The following PPIP5K2 variants were observed in gnomAD, a reference collection of about 807,000 sequenced individuals.
PPIP5K2 encodes the protein diphosphoinositol pentakisphosphate kinase 2, also known as inositol hexakisphosphate and diphosphoinositol-pentakisphosphate kinase 2.
PPIP5K2 carries 105 observed loss-of-function variants against 154.6 expected under a neutral mutation model. The ratio of observed to expected loss-of-function variants is 0.68; its 90% CI spans 0.58 to 0.80. The LOEUF (loss-of-function observed/expected upper bound fraction) is 0.80, where lower values mean the gene tolerates loss of function less well. Among genes scored for constraint, PPIP5K2 ranks in the 30% least tolerant of loss-of-function variants. The pLI, the probability that PPIP5K2 is intolerant of heterozygous loss-of-function variation, is 0.00. For synonymous variants in PPIP5K2, 480 were observed against 490.3 expected (o/e 0.98, Z 0.28); for missense variants, 992 against 1,504.6 (o/e 0.66, Z 5.64).
At position 103,173,596 on chromosome 5, in the gene PPIP5K2, A is replaced by T. The variant is rs982806422; in HGVS notation, c.2415-262A>T. ...ACCTCTGTCATTGCTACTAAAGGAG[A>T]TAAAATAACCTATTTACAGTGTACT... On this transcript the variant is annotated intron_variant, in intron 20 of 30. Transcript: ENST00000358359. Among the ~76,000 whole-genome samples, 32 of 151,978 alleles carry T rather than the reference A, an allele frequency of 2.1e-4. 1 individual carries two copies. The highest frequency in any genetic ancestry group is 1.9e-3 in the Admixed American group (29 of 15,214).
intron 17 of PPIP5K2, among the ~76,000 whole-genome samples, chr5:103,160,831 G>A (rs997172462): frequency 3.0e-4 from 45 of 152,036 alleles, no homozygotes; most frequent in African/African-American, 1.0e-3. Flanking sequence ...TATGGCACCT[G>A]TGCAATGAGC....
intron 1 of PPIP5K2, among the ~76,000 whole-genome samples, chr5:103,123,199 G>C (rs34787): frequency 0.24 from 37,234 of 152,180 alleles, 5,207 homozygotes; most frequent in East Asian, 0.45. Context: ...GCTATTTGCT[G>C]TGGCATCTGT....
At chr5:103,170,763 A>G (rs574238882) in intron 19 of PPIP5K2, among the ~76,000 whole-genome samples, 5 of 151,472 alleles carry the variant, frequency 3.3e-5, no homozygotes, top group African/African-American at 1.2e-4. Flanking sequence ...GGTATTTTCA[A>G]TCACCAAAAA....
chr5:103,128,273 A>T (rs1259963557), intron 1 of PPIP5K2, among the ~76,000 whole-genome samples: 1 of 152,190 alleles, frequency 6.6e-6, no homozygotes, highest in African/African-American at 2.4e-5. Context: ...CAAATGAAGC[A>T]TTTGTTATGT....
rs377739666 is a variant in PPIP5K2, at chr5:103,150,843, CTTTT to C, written c.907-389_907-386del. On this transcript the variant is annotated intron_variant, in intron 8 of 30. Coordinates refer to ENST00000358359, the MANE Select transcript of PPIP5K2 (RefSeq NM_001276277.3). ...AAAACTATTCTCCACGTCCATCCTC[CTTTT>C]TTTTTTTTTTTTTTTTTTTTATTAA... Among the ~76,000 whole-genome samples the C allele has an allele frequency of 1.6e-4, 11 of 68,100 alleles. No homozygotes were observed. In the South Asian group the frequency reaches 2.8e-3, roughly 17 times the overall value. 44.7% of individuals were successfully genotyped at this position (68,100 alleles called of 152,430 possible). A position where few individuals can be genotyped will look rare whatever the true frequency, so the allele number is the denominator to read the frequency against.
Position 103,151,538 on chromosome 5 carries a change from G to T in PPIP5K2, c.1028+164G>T, listed in dbSNP as rs1392954610. ...TATGCCAGATCCTGAATTATACTTTGGCTTATCAAAGACAGATTAATTTAT... is the reference window on the plus strand; with the variant it reads ...TATGCCAGATCCTGAATTATACTTTTGCTTATCAAAGACAGATTAATTTAT... On this transcript the variant is annotated intron_variant, in intron 9 of 30. Coordinates refer to ENST00000358359, the MANE Select transcript of PPIP5K2 (RefSeq NM_001276277.3). 2.6e-5 allele frequency among the ~76,000 whole-genome samples: 4 copies of T among 151,128 alleles called. No individual in the cohort carries two copies. The East Asian group carries it at 7.7e-4, about 29-fold the overall frequency.
At chr5:103,192,241 A>T (rs1401395100) in intron 29 of PPIP5K2, among the ~76,000 whole-genome samples, 1 of 152,112 alleles carries the variant, frequency 6.6e-6, no homozygotes, top group Non-Finnish European at 1.5e-5. Context: ...AAAAATTTGC[A>T]TATAAATGTG....
intron 10 of PPIP5K2, among the ~76,000 whole-genome samples, chr5:103,152,968 TA>T (rs1554211827): frequency 1.3e-5 from 2 of 151,878 alleles, no homozygotes; most frequent in Non-Finnish European, 3.0e-5. Flanking sequence ...TAGAATTGTT[TA>T]ATCAAGCCAT....
At chr5:103,184,147 T>G (rs1247354698) in intron 25 of PPIP5K2, 1 of 152,316 alleles carries the variant, frequency 6.6e-6, no homozygotes, top group Non-Finnish European at 1.5e-5. Flanking sequence ...ACACATGAGG[T>G]TTCTGATAAT....
chr5:103,211,352 A>G lies in PPIP5K2; in HGVS notation c.*9718A>G, dbSNP rs552996575. On this transcript the variant is annotated 3_prime_UTR_variant, in exon 31 of 31. Transcript: ENST00000358359. ...CAAAAAAAATTGTCCCTAGAAAACT[A>G]GAGTGATCATAGGGATCAGATGACA... 1 of 152,238 alleles carries G rather than the reference A, an allele frequency of 6.6e-6. No individual in the cohort carries two copies. Among genetic ancestry groups the G allele is most frequent in the Non-Finnish European group, 1.5e-5 (1 of 67,958 alleles). 9.4% of individuals were successfully genotyped at this position (152,238 alleles called of 1,614,324 possible).
intron 5 of PPIP5K2, among the ~76,000 whole-genome samples, chr5:103,143,916 A>C (rs535702820): frequency 8.1e-4 from 123 of 152,312 alleles, no homozygotes; most frequent in African/African-American, 2.8e-3. Flanking sequence ...ATTCAACATA[A>C]TACTGGAAAT....
intron 13 of PPIP5K2, 37 bp downstream of exon 13, chr5:103,154,980 C>A: frequency 8.3e-7 from 1 of 1,203,110 alleles, no homozygotes; most frequent in Non-Finnish European, 1.2e-6. Flanking sequence ...TGTGGTACTA[C>A]ATATAGCTCT....
intron 14 of PPIP5K2, among the ~76,000 whole-genome samples, chr5:103,157,199 C>CT (rs199637997): frequency 2.7e-5 from 4 of 150,892 alleles, no homozygotes; most frequent in East Asian, 1.9e-4. Flanking sequence ...TTTTGAATTA[C>CT]TTTTTTTTTC....
intron 26 of PPIP5K2, among the ~76,000 whole-genome samples, chr5:103,186,114 A>T (rs1293466457): frequency 6.6e-6 from 1 of 152,090 alleles, no homozygotes; most frequent in Non-Finnish European, 1.5e-5. Flanking sequence ...CCCCATTTGT[A>T]CCTATGATAA....
rs1803426892 is a variant in PPIP5K2 at position 103,204,997 on chromosome 5, C to T, written c.*3363C>T. ...ATTAGGTATTTCTCCTAATGCTATC[C>T]CTCCCCCAGCCCCCCACCCACTGAC... On this transcript the variant is annotated 3_prime_UTR_variant, in exon 31 of 31. Transcript: ENST00000358359. 6.6e-6 allele frequency: 1 copy of T among 151,896 alleles called. No individual in the cohort carries two copies. Among genetic ancestry groups the T allele is most frequent in the African/African-American group, 2.4e-5 (1 of 41,328 alleles). 9.4% of individuals were successfully genotyped at this position (151,896 alleles called of 1,614,324 possible).
chr5:103,133,322 C>T, intron 2 of PPIP5K2, 131 bp from the exon 3 acceptor site: 5 of 568,424 alleles, frequency 8.8e-6, no homozygotes, highest in South Asian at 4.7e-5. Context: ...TTAAAAATTC[C>T]TTTGTTTGTT....
chr5:103,178,055 A>G (rs1798972473), intron 23 of PPIP5K2, 75 bp downstream of exon 23: 3 of 892,792 alleles, frequency 3.4e-6, no homozygotes. Flanking sequence ...AGAGATTTTT[A>G]TAATGTACTA....
chr5:103,200,113 C>A (rs1322084969), intron 30 of PPIP5K2, among the ~76,000 whole-genome samples: 2 of 152,182 alleles, frequency 1.3e-5, no homozygotes, highest in Non-Finnish European at 2.9e-5. Flanking sequence ...TTAGCCTTGG[C>A]TGAGCTCAGA....
intron 14 of PPIP5K2, among the ~76,000 whole-genome samples, chr5:103,156,497 T>C (rs1795441749): frequency 1.3e-5 from 2 of 152,188 alleles, no homozygotes; most frequent in African/African-American, 4.8e-5. Flanking sequence ...TGCATTTACC[T>C]TACAAAAGAA....
Sources: gnomAD v4.1 joint callset for allele counts (sites outside exome capture counted in the v4.1 genomes callset) on GRCh38, gnomAD v4.1.1 for gene constraint, MANE v1.5 for transcripts, NCBI Gene and HGNC (gene_info 2026-07-23, HGNC 2026-07-21) for gene names.